PLXNC1: variants seen among roughly 807,000 people sequenced by gnomAD.
The protein encoded by PLXNC1 is plexin-C1.
A neutral mutation model predicts 178.2 loss-of-function variants in PLXNC1; 75 were observed. The observed-to-expected ratio is 0.42, with a 90% CI of 0.35 to 0.51. The LOEUF (loss-of-function observed/expected upper bound fraction) is 0.51, where lower values mean the gene tolerates loss of function less well. PLXNC1 is among the 20% of genes least tolerant of loss of function. The pLI, the probability that PLXNC1 is intolerant of heterozygous loss-of-function variation, is 0.02. For synonymous variants in PLXNC1, 790 were observed against 779.9 expected (o/e 1.01, Z -0.22); for missense variants, 1,503 against 1,984.4 (o/e 0.76, Z 4.61).
At chr12:94,278,668 T>C (rs1361169638) in intron 21 of PLXNC1, among the ~76,000 whole-genome samples, 1 of 152,146 alleles carries the variant, frequency 6.6e-6, no homozygotes, top group Non-Finnish European at 1.5e-5. Flanking sequence ...GAGGGGTAGA[T>C]GAATGTTCCT....
chr12:94,298,735 C>T lies in PLXNC1; in HGVS notation c.4178C>T (p.Ala1393Val), dbSNP rs756915393. 1.9e-6 allele frequency: 3 copies of T among 1,613,302 alleles called. No individual in the cohort carries two copies. The highest frequency in any genetic ancestry group is 2.5e-6 in the Non-Finnish European group (3 of 1,179,798). The change falls in exon 27 of 31, where the codon GCC (alanine) becomes GTC (valine). Residue 1393 changes from alanine (A) to valine (V), a missense_variant. By Grantham distance (64) the Ala-to-Val change is moderately conservative. Transcript: ENST00000258526. ...AAATACTTTTTTGACTTTTTGGACGCCCAGGCTGAAAACAAAAAAATCACA... is the reference window on the plus strand; with the variant it reads ...AAATACTTTTTTGACTTTTTGGACGTCCAGGCTGAAAACAAAAAAATCACA... ...AIKYFFDFLD[A>V]QAENKKITDP...
chr12:94,245,535 A>T (rs1964505130), intron 12 of PLXNC1, among the ~76,000 whole-genome samples: 1 of 152,160 alleles, frequency 6.6e-6, no homozygotes, highest in Admixed American at 6.5e-5. Flanking sequence ...AAAATTAAAA[A>T]AGTTGACAGC....
At chr12:94,264,887 G>GGA (rs1381354538) in intron 20 of PLXNC1, among the ~76,000 whole-genome samples, 192 bp from the exon 21 acceptor site, 2 of 152,366 alleles carry the variant, frequency 1.3e-5, no homozygotes, top group South Asian at 4.1e-4. Context: ...CATTCGCGAT[G>GGA]GAGAGAGGAG....
At chr12:94,193,874 C>G (rs554879060) in intron 4 of PLXNC1, among the ~76,000 whole-genome samples, 3 of 152,222 alleles carry the variant, frequency 2.0e-5, no homozygotes, top group African/African-American at 7.2e-5. Flanking sequence ...GGTGGACTTC[C>G]ACACTGGCAA....
chr12:94,229,377 G>A (rs568186157), intron 9 of PLXNC1, among the ~76,000 whole-genome samples: 1 of 152,214 alleles, frequency 6.6e-6, no homozygotes, highest in African/African-American at 2.4e-5. Context: ...CGTTGACTGT[G>A]TCCTGTAATA....
At chr12:94,296,170 T>C (rs1485751576) in intron 24 of PLXNC1, among the ~76,000 whole-genome samples, 1 of 152,162 alleles carries the variant, frequency 6.6e-6, no homozygotes, top group Admixed American at 6.5e-5. Context: ...GTCTCTCTCA[T>C]CTTTATTTTT....
intron 2 of PLXNC1, among the ~76,000 whole-genome samples, chr12:94,174,275 C>A (rs1230782450): frequency 6.6e-6 from 1 of 151,938 alleles, no homozygotes; most frequent in African/African-American, 2.4e-5. Context: ...ACCTCTGTCT[C>A]CCAGGCTTAA....
chr12:94,198,077 G>A (rs977642753), intron 4 of PLXNC1, among the ~76,000 whole-genome samples: 9 of 152,134 alleles, frequency 5.9e-5, no homozygotes, highest in African/African-American at 1.7e-4. Context: ...CCCTCCACAC[G>A]TATGTTCATT....
intron 2 of PLXNC1, among the ~76,000 whole-genome samples, chr12:94,174,368 G>A (rs1961969335): frequency 6.6e-6 from 1 of 151,750 alleles, no homozygotes; most frequent in African/African-American, 2.4e-5. Flanking sequence ...TGTATGGACA[G>A]GGTTTTGCCA....
intron 4 of PLXNC1, among the ~76,000 whole-genome samples, chr12:94,201,544 C>T (rs1483433144): frequency 6.6e-6 from 1 of 152,128 alleles, no homozygotes. Context: ...TGCATTTCTG[C>T]AGATGGAGAG....
At position 94,255,303 on chromosome 12, in the gene PLXNC1, G is replaced by T; in HGVS notation, c.3087+7G>T. 1 of 1,548,934 alleles carries T rather than the reference G, an allele frequency of 6.5e-7. No individual in the cohort carries two copies. The highest frequency in any genetic ancestry group is 1.1e-5 in the South Asian group (1 of 89,810). On this transcript the variant is annotated splice_region_variant and intron_variant, in intron 17 of 30. Transcript: ENST00000258526. ...GAGAACTTTCTTCCCTGAGGTAAAA[G>T]AGCATTGATCATATTCCGAAGGTTG... is the stretch of plus-strand genomic sequence containing the variant.
At chr12:94,257,526 C>A (rs1434504628) in intron 17 of PLXNC1, among the ~76,000 whole-genome samples, 1 of 152,194 alleles carries the variant, frequency 6.6e-6, no homozygotes, top group Non-Finnish European at 1.5e-5. Flanking sequence ...GTAATCCCAG[C>A]ACTTTGGGAG....
intron 1 of PLXNC1, among the ~76,000 whole-genome samples, chr12:94,162,963 T>C (rs1961444329): frequency 6.6e-6 from 1 of 152,120 alleles, no homozygotes; most frequent in East Asian, 1.9e-4. Context: ...TCAGGAATGC[T>C]AGAAGTCCCG....
At chr12:94,290,356 G>T (rs990243794) in intron 23 of PLXNC1, among the ~76,000 whole-genome samples, 1 of 152,224 alleles carries the variant, frequency 6.6e-6, no homozygotes, top group African/African-American at 2.4e-5. Context: ...ATATGGAGGA[G>T]AATTGAAAAA....
rs1178596775 is a variant in PLXNC1, at chr12:94,148,922, A to AGCCGCCGTC, written c.-42_-34dup. 2.8e-6 allele frequency: 2 copies of AGCCGCCGTC among 708,994 alleles called. No individual in the cohort carries two copies. The highest frequency in any genetic ancestry group is 3.7e-6 in the Non-Finnish European group (2 of 541,852). 43.9% of individuals were successfully genotyped at this position (708,994 alleles called of 1,614,324 possible). A position where few individuals can be genotyped will look rare whatever the true frequency, so the allele number is the denominator to read the frequency against. ...CCGCGTCTCCGTTGCCGCGCGCCTG[A>AGCCGCCGTC]GCCGCCGTCGCCGCCGCGCGCCCTG... On this transcript the variant is annotated 5_prime_UTR_variant, in exon 1 of 31. Coordinates refer to ENST00000258526, the MANE Select transcript of PLXNC1 (RefSeq NM_005761.3). The surrounding 1 kb of genome is among the most constrained non-coding windows in gnomAD (Gnocchi z 4.8).
intron 24 of PLXNC1, among the ~76,000 whole-genome samples, chr12:94,294,774 G>A (rs542062642): frequency 1.6e-4 from 25 of 152,314 alleles, no homozygotes; most frequent in Non-Finnish European, 3.1e-4. Flanking sequence ...CTGAGGAAGT[G>A]GCTGCCTCTT....
At chr12:94,164,276 G>C (rs1961504237) in intron 1 of PLXNC1, among the ~76,000 whole-genome samples, 1 of 152,230 alleles carries the variant, frequency 6.6e-6, no homozygotes, top group Non-Finnish European at 1.5e-5. Flanking sequence ...TAGGTACCCA[G>C]TTGGTATTTC....
intron 5 of PLXNC1, among the ~76,000 whole-genome samples, chr12:94,219,803 T>TTTTATTTATTTATTTATTTG (rs1266865746): frequency 0.011 from 1,279 of 116,470 alleles, 19 homozygotes; most frequent in African/African-American, 0.021. Context: ...TCTTTTATAT[T>TTTTATTTATTTATTTATTTG]TTTATTTATT....
At chr12:94,297,270 G>C (rs1179731931) in intron 25 of PLXNC1, 46 bp from the exon 26 acceptor site, 1 of 1,613,174 alleles carries the variant, frequency 6.2e-7, no homozygotes, top group Non-Finnish European at 8.5e-7. Flanking sequence ...GCCTTCTGTA[G>C]CAAGAGTGGT....
Sources: gnomAD v4.1 joint callset for allele counts (sites outside exome capture counted in the v4.1 genomes callset) on GRCh38, gnomAD v4.1.1 for gene constraint, Gnocchi (gnomAD v3.1) non-coding constraint, MANE v1.5 for transcripts, NCBI Gene and HGNC (gene_info 2026-07-23, HGNC 2026-07-21) for gene names.